DCTN5: variants seen among roughly 807,000 people sequenced by gnomAD.
The protein encoded by DCTN5 is dynactin subunit 5, also known as dynactin 4.
In DCTN5, 14 loss-of-function variants were observed where a neutral mutation model predicts 23.5. That is an observed-to-expected ratio of 0.60 (90% CI 0.39 to 0.93). DCTN5 has a LOEUF of 0.93. Ranked by LOEUF, DCTN5 falls within the 40% of genes least tolerant of loss-of-function variation. The probability of loss-of-function intolerance (pLI) is 0.00; values close to 1 mark genes in which losing one functional copy is unlikely to be tolerated. For missense variants in DCTN5, 156 were observed against 225.9 expected (o/e 0.69, Z 1.98); for synonymous variants, 67 against 79.6 (o/e 0.84, Z 0.84).
intron 2 of DCTN5, among the ~76,000 whole-genome samples, chr16:23,645,174 G>T (rs1177486157): frequency 1.8e-5 from 2 of 113,110 alleles, no homozygotes; most frequent in African/African-American, 3.4e-5. Context: ...TGCTCTTGTT[G>T]CCCAGGCTGG....
At position 23,669,401 on chromosome 16, in the gene DCTN5, C is replaced by T. The variant is rs1185661628; in HGVS notation, c.*2257C>T. 5 of 152,278 alleles carry T rather than the reference C, an allele frequency of 3.3e-5. No individual in the cohort carries two copies. The highest frequency in any genetic ancestry group is 1.2e-4 in the African/African-American group (5 of 41,424). The allele number at this position is 152,278 out of a possible 1,614,324, so 9.4% of individuals were successfully genotyped here. A position where few individuals can be genotyped will look rare whatever the true frequency, so the allele number is the denominator to read the frequency against. ...TCTTGGGCTTCACAGTGTGGCCCCACAGCACCAGTTATTGATAAAAAGAGC... is the reference window on the plus strand; with the variant it reads ...TCTTGGGCTTCACAGTGTGGCCCCATAGCACCAGTTATTGATAAAAAGAGC... On this transcript the variant is annotated 3_prime_UTR_variant, in exon 6 of 6. Coordinates refer to ENST00000300087, the MANE Select transcript of DCTN5 (RefSeq NM_032486.4).
chr16:23,650,681 G>A, intron 2 of DCTN5: 1 of 1,382,662 alleles, frequency 7.2e-7, no homozygotes, highest in Non-Finnish European at 9.8e-7. Context: ...CCCTCCTCTT[G>A]GTGGAAAGTT....
chr16:23,666,917 CAGCCT>C, intron 5 of DCTN5, 125 bp from the exon 6 acceptor site: 1 of 1,442,336 alleles, frequency 6.9e-7, no homozygotes, highest in Non-Finnish European at 9.3e-7. Flanking sequence ...TGGACCAGAA[CAGCCT>C]CAGCGATTAT....
Position 23,675,659 on chromosome 16 carries a change from ATAAT to A in DCTN5, c.*8519_*8522del, listed in dbSNP as rs1390206592. ...GACTGTTTTTGTAATATTGGAGAAA[ATAAT>A]TAAAGCCTGGCACCTGGGGAGGCTT... On this transcript the variant is annotated 3_prime_UTR_variant, in exon 6 of 6. Transcript: ENST00000300087. The A allele has an allele frequency of 6.6e-6, 1 of 152,204 alleles. No individual in the cohort carries two copies. Among genetic ancestry groups the A allele is most frequent in the African/African-American group, 2.4e-5 (1 of 41,454 alleles). The allele number at this position is 152,204 out of a possible 1,614,324, so 9.4% of individuals were successfully genotyped here. A position where few individuals can be genotyped will look rare whatever the true frequency, so the allele number is the denominator to read the frequency against.
At chr16:23,649,916 T>A (rs1377354570) in intron 2 of DCTN5, among the ~76,000 whole-genome samples, 1 of 152,122 alleles carries the variant, frequency 6.6e-6, no homozygotes, top group Non-Finnish European at 1.5e-5. Context: ...TACTTCTGCT[T>A]ATGGATATGC....
intron 2 of DCTN5, among the ~76,000 whole-genome samples, chr16:23,645,154 TACGCAG>T (rs1213572036): frequency 5.4e-4 from 59 of 109,534 alleles, no homozygotes; most frequent in South Asian, 6.2e-4. Flanking sequence ...TTTTTTTTAA[TACGCAG>T]TTTTGCTCTT....
In DCTN5 at chr16:23,676,373, G is replaced by A. The variant is rs1959225792; in HGVS notation, c.*9229G>A. 1 of 152,036 alleles carries A rather than the reference G, an allele frequency of 6.6e-6. No homozygotes were observed. Among genetic ancestry groups the A allele is most frequent in the Admixed American group, 6.6e-5 (1 of 15,250 alleles). The allele number at this position is 152,036 out of a possible 1,614,324, so 9.4% of individuals were successfully genotyped here. On this transcript the variant is annotated 3_prime_UTR_variant, in exon 6 of 6. Transcript: ENST00000300087. Reference sequence around the variant, plus strand: ...AATAAAAAAATTAGCTGGGTGTGGTGGTGTGCACCTGTAGTCCCTACAAAA... The same window carrying A: ...AATAAAAAAATTAGCTGGGTGTGGTAGTGTGCACCTGTAGTCCCTACAAAA...
intron 4 of DCTN5, among the ~76,000 whole-genome samples, chr16:23,663,043 T>C (rs1346566442): frequency 6.6e-6 from 1 of 152,194 alleles, no homozygotes; most frequent in Non-Finnish European, 1.5e-5. Context: ...AATTCTAGAA[T>C]CTCAGCACTG....
intron 3 of DCTN5, among the ~76,000 whole-genome samples, chr16:23,660,463 G>A (rs1339461110): frequency 6.6e-6 from 1 of 152,190 alleles, no homozygotes; most frequent in Non-Finnish European, 1.5e-5. Context: ...AACGGGATGG[G>A]AATGATGTCA....
At chr16:23,654,942 T>TA (rs1967673100) in intron 2 of DCTN5, among the ~76,000 whole-genome samples, 2 of 152,202 alleles carry the variant, frequency 1.3e-5, no homozygotes, top group South Asian at 4.1e-4. Context: ...CGTTCTTTTT[T>TA]ATGACTGAAT....
At chr16:23,648,412 C>T (rs1008855237) in intron 2 of DCTN5, among the ~76,000 whole-genome samples, 3 of 141,058 alleles carry the variant, frequency 2.1e-5, no homozygotes, top group East Asian at 2.1e-4. Context: ...TGCAGTGGTG[C>T]GATATCAACT....
chr16:23,656,896 C>T (rs1967713379), intron 2 of DCTN5, among the ~76,000 whole-genome samples: 1 of 150,692 alleles, frequency 6.6e-6, no homozygotes. Flanking sequence ...GAGGCTGAGG[C>T]AGGAGAATTG....
intron 2 of DCTN5, among the ~76,000 whole-genome samples, chr16:23,657,740 C>G (rs1168311116): frequency 6.6e-6 from 1 of 152,140 alleles, no homozygotes; most frequent in Non-Finnish European, 1.5e-5. Context: ...CCGCACCTGG[C>G]CAGAAAAAAT....
rs2140990336 is a variant in DCTN5, at chr16:23,668,940, C to A, written c.*1796C>A. The A allele has an allele frequency of 1.3e-5, 2 of 152,724 alleles. No individual in the cohort carries two copies. The highest frequency in any genetic ancestry group is 2.9e-5 in the Non-Finnish European group (2 of 68,048). The allele number at this position is 152,724 out of a possible 1,614,324, so 9.5% of individuals were successfully genotyped here. ...ATGATTAATCCAGTCTGGGTCATGACCTTTTCTTCATCCAAAACAAGGTGA... is the reference window on the plus strand; with the variant it reads ...ATGATTAATCCAGTCTGGGTCATGAACTTTTCTTCATCCAAAACAAGGTGA... On this transcript the variant is annotated 3_prime_UTR_variant, in exon 6 of 6. Transcript: ENST00000300087.
At chr16:23,657,673 C>T (rs191998294) in intron 2 of DCTN5, 1 of 232,116 alleles carries the variant, frequency 4.3e-6, no homozygotes, top group Non-Finnish European at 8.9e-6. Flanking sequence ...TGAACTCGAC[C>T]TCAGGCAATC....
chr16:23,668,476 A>G lies in DCTN5; in HGVS notation c.*1332A>G, dbSNP rs1967946663. ...CTCTCTCCCATAACAGTGCAGTGAT[A>G]GTCAGCTGGTCCAGGCCAGGCAAGG... On this transcript the variant is annotated 3_prime_UTR_variant, in exon 6 of 6. Transcript: ENST00000300087. 1 of 152,256 alleles carries G rather than the reference A, an allele frequency of 6.6e-6. No individual in the cohort carries two copies. The highest frequency in any genetic ancestry group is 2.1e-4 in the South Asian group (1 of 4,832). The allele number at this position is 152,256 out of a possible 1,614,324, so 9.4% of individuals were successfully genotyped here. A position where few individuals can be genotyped will look rare whatever the true frequency, so the allele number is the denominator to read the frequency against.
rs547390880 is a variant in DCTN5, at chr16:23,671,845, A to G, written c.*4701A>G. On this transcript the variant is annotated 3_prime_UTR_variant, in exon 6 of 6. Transcript: ENST00000300087. ...GCACAGGACATCTTACTTCCCTGAA[A>G]ACAGTACCTGGACTTTTCTGTATCT... The G allele has an allele frequency of 5.5e-4, 84 of 152,320 alleles. No homozygotes were observed. The highest frequency in any genetic ancestry group is 1.9e-3 in the African/African-American group (77 of 41,554). 9.4% of individuals were successfully genotyped at this position (152,320 alleles called of 1,614,324 possible).
chr16:23,644,392 C>G (rs915832933), intron 2 of DCTN5, among the ~76,000 whole-genome samples: 2 of 151,388 alleles, frequency 1.3e-5, no homozygotes, highest in Non-Finnish European at 2.9e-5. Context: ...GCTCCGCCTC[C>G]CAGGCTCACG....
Position 23,667,229 on chromosome 16 carries a change from T to G in DCTN5, c.*85T>G. The stretch of plus-strand genomic sequence containing the variant: ...AGCCAGTCAGCACCTACAAAGAGCT[T>G]TTGTGTCTTTGACATCTACCACCCT... On this transcript the variant is annotated 3_prime_UTR_variant, in exon 6 of 6. Transcript: ENST00000300087. The G allele has an allele frequency of 1.3e-6, 2 of 1,548,578 alleles. No individual in the cohort carries two copies. The highest frequency in any genetic ancestry group is 2.3e-5 in the South Asian group (2 of 88,142).
Sources: gnomAD v4.1 joint callset for allele counts (sites outside exome capture counted in the v4.1 genomes callset) on GRCh38, gnomAD v4.1.1 for gene constraint, MANE v1.5 for transcripts, NCBI Gene and HGNC (gene_info 2026-07-23, HGNC 2026-07-21) for gene names.